NALF1: variants seen among roughly 807,000 people sequenced by gnomAD.
NALF1 encodes family with sequence similarity 155 member A.
NALF1 carries 3 observed loss-of-function variants against 48.4 expected under a neutral mutation model. That is an observed-to-expected ratio of 0.06 (90% CI 0.03 to 0.16). The LOEUF (loss-of-function observed/expected upper bound fraction) is 0.16, where lower values mean the gene tolerates loss of function less well. NALF1 is among the 10% of genes least tolerant of loss of function. The probability of loss-of-function intolerance (pLI) is 1.00; values close to 1 mark genes in which losing one functional copy is unlikely to be tolerated. For missense variants in NALF1, 526 were observed against 571.5 expected, an observed-to-expected ratio of 0.92 and a Z score of 0.81; for synonymous variants, 262 against 245.7, an observed-to-expected ratio of 1.07 and a Z score of -0.62.
chr13:107,255,266 G>A (rs1358462590), intron 1 of NALF1, among the ~76,000 whole-genome samples: 1 of 152,134 alleles, frequency 6.6e-6, no homozygotes, highest in Non-Finnish European at 1.5e-5. Context: ...TTCCTTTATT[G>A]GCAGAAGGTT....
rs115164082 is a variant in NALF1, at chr13:107,380,091, C to T, written c.916-169336G>A. On this transcript the variant is annotated intron_variant, in intron 1 of 2. Coordinates refer to ENST00000375915, the MANE Select transcript of NALF1 (RefSeq NM_001080396.3). Reference sequence around the variant, plus strand: ...ATGGCTCCTTTTTTTTTCTATGATACGGGAAAAGTAATAGCATCTTTTATA... The same window carrying T: ...ATGGCTCCTTTTTTTTTCTATGATATGGGAAAAGTAATAGCATCTTTTATA... 6.5e-3 allele frequency among the ~76,000 whole-genome samples: 992 copies of T among 151,756 alleles called. 10 individuals carry two copies. The highest frequency in any genetic ancestry group is 0.023 in the African/African-American group (933 of 41,344).
In NALF1 at chr13:107,457,765, CAA is replaced by C. The variant is rs1470938367; in HGVS notation, c.916-247012_916-247011del. Among the ~76,000 whole-genome samples the C allele has an allele frequency of 2.6e-5, 4 of 152,168 alleles. No individual in the cohort carries two copies. In the South Asian group the frequency reaches 6.2e-4, roughly 24 times the overall value. On this transcript the variant is annotated intron_variant, in intron 1 of 2. Transcript: ENST00000375915. ...GTTTTGGTTACTGAAGCCCAATAAACAAACACTTTCCAAGGAAGCTTCCCTGT... is the reference window on the plus strand; with the variant it reads ...GTTTTGGTTACTGAAGCCCAATAAACACACTTTCCAAGGAAGCTTCCCTGT...
intron 1 of NALF1, among the ~76,000 whole-genome samples, chr13:107,556,565 C>T (rs1215633592): frequency 1.3e-5 from 2 of 152,012 alleles, no homozygotes; most frequent in Non-Finnish European, 2.9e-5. Flanking sequence ...CATCTCGGCT[C>T]ACTGCAACCC....
chr13:107,296,329 C>A (rs1328254643), intron 1 of NALF1, among the ~76,000 whole-genome samples: 1 of 152,026 alleles, frequency 6.6e-6, no homozygotes, highest in Non-Finnish European at 1.5e-5. Flanking sequence ...ATACAGTAGC[C>A]TAGTGGTATT....
chr13:107,190,298 C>T (rs909894103), intron 2 of NALF1, among the ~76,000 whole-genome samples: 1 of 152,128 alleles, frequency 6.6e-6, no homozygotes, highest in African/African-American at 2.4e-5. Flanking sequence ...CCATTTCCTG[C>T]TTTTCTTTGT....
At chr13:107,715,737 C>T (rs1042300010) in intron 1 of NALF1, among the ~76,000 whole-genome samples, 7 of 152,296 alleles carry the variant, frequency 4.6e-5, no homozygotes, top group East Asian at 1.9e-4. Flanking sequence ...CCTTCTGGCA[C>T]GGAGGCCTCT....
intron 1 of NALF1, among the ~76,000 whole-genome samples, chr13:107,325,126 T>A (rs983848393): frequency 2.0e-5 from 3 of 152,202 alleles, no homozygotes; most frequent in Non-Finnish European, 4.4e-5. Context: ...ACATATGATT[T>A]ATTTTTCACG....
intron 1 of NALF1, among the ~76,000 whole-genome samples, chr13:107,312,311 C>T (rs1199211072): frequency 9.2e-5 from 14 of 151,958 alleles, no homozygotes; most frequent in Admixed American, 4.6e-4. Context: ...TCTCAGCAAA[C>T]GATCACGAGG....
chr13:107,389,707 C>T (rs1209749287), intron 1 of NALF1, among the ~76,000 whole-genome samples: 2 of 152,108 alleles, frequency 1.3e-5, no homozygotes, highest in Non-Finnish European at 2.9e-5. Context: ...CACTGGCATG[C>T]GAGCTCATGA....
chr13:107,621,943 CAG>C (rs993647077), intron 1 of NALF1, among the ~76,000 whole-genome samples: 1 of 152,002 alleles, frequency 6.6e-6, no homozygotes, highest in African/African-American at 2.4e-5. Flanking sequence ...CTTCTCTAAA[CAG>C]AGAAATTTCT....
Position 107,323,967 on chromosome 13 carries a change from G to A in NALF1, c.916-113212C>T, listed in dbSNP as rs377399605. Among the ~76,000 whole-genome samples the A allele has an allele frequency of 3.2e-4, 48 of 152,146 alleles. No individual in the cohort carries two copies. In the East Asian group the frequency reaches 7.2e-3, roughly 23 times the overall value. ...CCTATGAATAATTGAAAAATTAGCCGGCATGGTGATGTGTGCCTGTAGTCC... is the reference window on the plus strand; with the variant it reads ...CCTATGAATAATTGAAAAATTAGCCAGCATGGTGATGTGTGCCTGTAGTCC... On this transcript the variant is annotated intron_variant, in intron 1 of 2. Transcript: ENST00000375915.
chr13:107,614,143 A>G (rs1196420989), intron 1 of NALF1, among the ~76,000 whole-genome samples: 1 of 152,166 alleles, frequency 6.6e-6, no homozygotes, highest in East Asian at 1.9e-4. Flanking sequence ...GGGCATAGGG[A>G]TGAGACCTTT....
intron 2 of NALF1, among the ~76,000 whole-genome samples, chr13:107,189,901 G>A (rs921216981): frequency 3.9e-5 from 6 of 152,192 alleles, no homozygotes; most frequent in African/African-American, 1.4e-4. Flanking sequence ...TCTCATAGAT[G>A]TCTGTGTGTC....
intron 1 of NALF1, among the ~76,000 whole-genome samples, chr13:107,707,015 C>A (rs1427404900): frequency 6.8e-6 from 1 of 146,766 alleles, no homozygotes; most frequent in Non-Finnish European, 1.5e-5. Context: ...CTCCGCCTCC[C>A]GGGTTCACGC....
Position 107,467,994 on chromosome 13 carries a change from A to G in NALF1, c.916-257239T>C, listed in dbSNP as rs529746837. ...ACCCGGGAGGCGGAGCTTGCAGTGA[A>G]CTGAGATCGCGCCACTGCCCTCCAG... On this transcript the variant is annotated intron_variant, in intron 1 of 2. Coordinates refer to ENST00000375915, the MANE Select transcript of NALF1 (RefSeq NM_001080396.3). Among the ~76,000 whole-genome samples, 728 of 149,656 alleles carry G rather than the reference A, an allele frequency of 4.9e-3. 7 individuals are homozygous for G. The highest frequency in any genetic ancestry group is 0.024 in the Middle Eastern group (7 of 290).
chr13:107,389,027 T>C (rs1376580301), intron 1 of NALF1, among the ~76,000 whole-genome samples: 2 of 152,196 alleles, frequency 1.3e-5, no homozygotes, highest in Non-Finnish European at 2.9e-5. Context: ...GGGGATAAAA[T>C]AGTCGCCGCA....
intron 1 of NALF1, among the ~76,000 whole-genome samples, chr13:107,480,532 T>C (rs1261799041): frequency 6.6e-6 from 1 of 152,134 alleles, no homozygotes; most frequent in Admixed American, 6.6e-5. Flanking sequence ...GAAAGAAGAA[T>C]TGTCTTGGGC....
chr13:107,704,023 C>T (rs982056328), intron 1 of NALF1, among the ~76,000 whole-genome samples: 1 of 152,102 alleles, frequency 6.6e-6, no homozygotes, highest in Non-Finnish European at 1.5e-5. Flanking sequence ...TGTCCATTTT[C>T]CTACCTTTGG....
At position 107,180,719 on chromosome 13, in the gene NALF1, T is replaced by C. The variant is rs1237882140; in HGVS notation, c.1088-9933A>G. ...AAATTGTAGCTACTTTGCTGTTCTT[T>C]GACTTTCCAGTATTTATTTTACATC... is the stretch of plus-strand genomic sequence containing the variant. On this transcript the variant is annotated intron_variant, in intron 2 of 2. Transcript: ENST00000375915. Among the ~76,000 whole-genome samples, 4 of 151,922 alleles carry C rather than the reference T, an allele frequency of 2.6e-5. No homozygotes were observed. In the East Asian group the frequency reaches 7.7e-4, roughly 29 times the overall value.
Sources: gnomAD v4.1 joint callset for allele counts (sites outside exome capture counted in the v4.1 genomes callset) on GRCh38, gnomAD v4.1.1 for gene constraint, MANE v1.5 for transcripts, NCBI Gene and HGNC (gene_info 2026-07-23, HGNC 2026-07-21) for gene names.